DENND2A: variants seen among roughly 807,000 people sequenced by gnomAD.
DENND2A encodes DENN domain-containing protein 2A.
In DENND2A, 53 loss-of-function variants were observed where a neutral mutation model predicts 105.3. That is an observed-to-expected ratio of 0.50 (90% CI 0.40 to 0.63). DENND2A has a LOEUF of 0.63. DENND2A is among the 30% of genes least tolerant of loss of function. DENND2A has a pLI of 0.00. For synonymous variants in DENND2A, 522 were observed against 508.4 expected (o/e 1.03, Z -0.36); for missense variants, 1,138 against 1,279.6 (o/e 0.89, Z 1.69).
rs35145435 is a variant in DENND2A at position 140,624,765 on chromosome 7, C to T, written c.-248+15739G>A. On this transcript the variant is annotated intron_variant, in intron 1 of 19. Coordinates refer to ENST00000496613, the MANE Select transcript of DENND2A (RefSeq NM_015689.5). ...GAAACCCAGAGAGATTTGTGAAGTTCGTGTTTCTGGTGATTGTTTTTTTTT... is the reference window on the plus strand; with the variant it reads ...GAAACCCAGAGAGATTTGTGAAGTTTGTGTTTCTGGTGATTGTTTTTTTTT... Among the ~76,000 whole-genome samples the T allele has an allele frequency of 2.7e-3, 400 of 149,680 alleles. 2 individuals are homozygous for T. The highest frequency in any genetic ancestry group is 9.3e-3 in the African/African-American group (376 of 40,450).
At chr7:140,554,461 ACC>A (rs34391556) in intron 12 of DENND2A, among the ~76,000 whole-genome samples, 21 of 151,124 alleles carry the variant, frequency 1.4e-4, no homozygotes, top group Non-Finnish European at 2.2e-4. Flanking sequence ...ATATGGTGAA[ACC>A]CCATCTCTAC....
intron 5 of DENND2A, among the ~76,000 whole-genome samples, chr7:140,584,198 T>C (rs1020353639): frequency 2.0e-5 from 3 of 151,962 alleles, no homozygotes; most frequent in Admixed American, 6.6e-5. Context: ...GCCGAGACTG[T>C]GCCACTGCAC....
Position 140,559,688 on chromosome 7 carries a change from G to A in DENND2A, c.1889+20C>T. On this transcript the variant is annotated intron_variant, in intron 10 of 19. Coordinates refer to ENST00000496613, the MANE Select transcript of DENND2A (RefSeq NM_015689.5). This position sits in a 1 kb window ranked among gnomAD's most constrained non-coding sequence, Gnocchi z 4.1. Reference sequence around the variant, plus strand: ...TCGCCTTAGTCTTTGGGGCTGCGAAGGGGAGAAGCCAGCTCGTACCTGGTG... The same window carrying A: ...TCGCCTTAGTCTTTGGGGCTGCGAAAGGGAGAAGCCAGCTCGTACCTGGTG... The A allele has an allele frequency of 6.3e-7, 1 of 1,588,506 alleles. No individual in the cohort carries two copies. The highest frequency in any genetic ancestry group is 8.6e-7 in the Non-Finnish European group (1 of 1,157,184).
At chr7:140,638,733 A>G (rs1261304909) in intron 1 of DENND2A, among the ~76,000 whole-genome samples, 1 of 152,140 alleles carries the variant, frequency 6.6e-6, no homozygotes, top group Non-Finnish European at 1.5e-5. Context: ...CTGTTCTTTC[A>G]GCCTGAAACA....
Position 140,548,241 on chromosome 7 carries a change from T to C in DENND2A, c.2038-1302A>G, listed in dbSNP as rs1246495312. 2.0e-5 allele frequency among the ~76,000 whole-genome samples: 3 copies of C among 150,062 alleles called. No individual in the cohort carries two copies. The East Asian group carries it at 5.8e-4, about 29-fold the overall frequency. Reference sequence around the variant, plus strand: ...TGCTCAGCAAATTGTGTACTTTAAATGAATGAATTGCATGGTATGTGAATT... The same window carrying C: ...TGCTCAGCAAATTGTGTACTTTAAACGAATGAATTGCATGGTATGTGAATT... On this transcript the variant is annotated intron_variant, in intron 12 of 19. Transcript: ENST00000496613.
Position 140,544,688 on chromosome 7 carries a change from G to A in DENND2A, c.2257C>T (p.Arg753Cys), listed in dbSNP as rs1369531403. The A allele has an allele frequency of 5.0e-6, 8 of 1,613,686 alleles. No individual in the cohort carries two copies. Among genetic ancestry groups the A allele is most frequent in the African/African-American group, 1.3e-5 (1 of 74,900 alleles). The stretch of plus-strand genomic sequence containing the variant: ...GAGGCAAACACACAGACCAGGTGGC[G>A]GACGCTGAGGGAGGAGAAGAGAGAC... ...FESLFSSLSV[R>C]HLVCVFASLL... Residue 753 changes from arginine to cysteine, a missense_variant, in exon 14 of 20, where the codon CGC becomes TGC. Physicochemically the swap from Arg to Cys is radical, Grantham distance 180 (BLOSUM62 -3). This residue lies in a region of DENND2A where 627 missense variants were observed against 779.8 expected (regional missense o/e 0.80). Transcript: ENST00000496613.
intron 15 of DENND2A, 23 bp from the exon 16 acceptor site, chr7:140,525,815 C>G: frequency 6.3e-7 from 1 of 1,585,872 alleles, no homozygotes; most frequent in Non-Finnish European, 8.6e-7. Context: ...ACGAAAGGGA[C>G]TGTTACTGTC....
At chr7:140,629,252 G>A (rs1800647456) in intron 1 of DENND2A, among the ~76,000 whole-genome samples, 2 of 152,144 alleles carry the variant, frequency 1.3e-5, no homozygotes, top group South Asian at 2.1e-4. Context: ...ATTCGAACAC[G>A]GTGGCAAATG....
intron 13 of DENND2A, 35 bp downstream of exon 13, chr7:140,546,764 C>T: frequency 6.2e-7 from 1 of 1,610,314 alleles, no homozygotes; most frequent in Middle Eastern, 1.7e-4. Flanking sequence ...GGGCCACTGC[C>T]TCCCCAGGGA....
At chr7:140,636,922 G>A (rs1467355426) in intron 1 of DENND2A, among the ~76,000 whole-genome samples, 1 of 151,990 alleles carries the variant, frequency 6.6e-6, no homozygotes, top group Non-Finnish European at 1.5e-5. Context: ...ATGTAGTGAT[G>A]CAATCTTGGC....
In DENND2A at chr7:140,567,222, C is replaced by T. The variant is rs761663991; in HGVS notation, c.1643G>A (p.Arg548Gln). The change falls in exon 9 of 20, where the codon CGG becomes CAG. Residue 548 changes from arginine to glutamine, a missense_variant. Arg to Gln is a conservative substitution (Grantham distance 43, BLOSUM62 1). Coordinates refer to ENST00000496613, the MANE Select transcript of DENND2A (RefSeq NM_015689.5). ...NVKSRLKQAP[R>Q]YPSLARELIE... ...GAGTTCCCGGGCAAGTGATGGGTAC[C>T]GAGGCGCCTGCTTCAGCCGGGACTT... 21 of 1,612,202 alleles carry T rather than the reference C, an allele frequency of 1.3e-5. No individual in the cohort carries two copies. Among genetic ancestry groups the T allele is most frequent in the Admixed American group, 3.3e-5 (2 of 59,802 alleles).
intron 5 of DENND2A, among the ~76,000 whole-genome samples, chr7:140,574,847 G>A (rs1156890761): frequency 5.3e-5 from 8 of 151,876 alleles, no homozygotes; most frequent in East Asian, 1.9e-4. Context: ...GTGAAACCCC[G>A]TCTCTACTAA....
intron 12 of DENND2A, among the ~76,000 whole-genome samples, chr7:140,552,244 A>T (rs967700070): frequency 3.9e-5 from 6 of 152,032 alleles, no homozygotes; most frequent in African/African-American, 1.4e-4. Flanking sequence ...GGTGGAGGGG[A>T]GGGGAGACCT....
chr7:140,605,359 T>G (rs1042391286), intron 2 of DENND2A, among the ~76,000 whole-genome samples: 1 of 152,180 alleles, frequency 6.6e-6, no homozygotes, highest in African/African-American at 2.4e-5. Flanking sequence ...AAACTGACTG[T>G]GTACAGGTAC....
intron 1 of DENND2A, among the ~76,000 whole-genome samples, chr7:140,628,310 T>C (rs769505999): frequency 5.9e-5 from 9 of 152,146 alleles, no homozygotes; most frequent in Non-Finnish European, 1.2e-4. Flanking sequence ...CAGTGACCTG[T>C]TAGTCCTCAG....
rs1489887255 is a variant in DENND2A at position 140,640,212 on chromosome 7, C to T, written c.-248+292G>A. 6.6e-6 allele frequency: 1 copy of T among 152,548 alleles called. No homozygotes were observed. The highest frequency in any genetic ancestry group is 1.5e-5 in the Non-Finnish European group (1 of 68,340). 9.4% of individuals were successfully genotyped at this position (152,548 alleles called of 1,614,324 possible). A position where few individuals can be genotyped will look rare whatever the true frequency, so the allele number is the denominator to read the frequency against. ...ACACTCACACTCGCGCCCCGAGGGA[C>T]CCAGCACGGCGCAGGGCGGGGGTCT... On this transcript the variant is annotated intron_variant, in intron 1 of 19. Transcript: ENST00000496613. The surrounding 1 kb of genome is among the most constrained non-coding windows in gnomAD (Gnocchi z 4.9).
intron 18 of DENND2A, among the ~76,000 whole-genome samples, chr7:140,521,025 C>A (rs1411980832): frequency 6.6e-6 from 1 of 151,592 alleles, no homozygotes; most frequent in Non-Finnish European, 1.5e-5. Flanking sequence ...CAGGCGCACA[C>A]CACCACGCCT....
intron 1 of DENND2A, among the ~76,000 whole-genome samples, chr7:140,637,956 GAGA>G (rs1253586453): frequency 3.0e-4 from 45 of 152,256 alleles, no homozygotes; most frequent in Admixed American, 2.3e-3. Flanking sequence ...CCCATACTCT[GAGA>G]TGACACCCAG....
chr7:140,554,052 C>T (rs1797258644), intron 12 of DENND2A, among the ~76,000 whole-genome samples: 1 of 151,868 alleles, frequency 6.6e-6, no homozygotes, highest in African/African-American at 2.4e-5. Context: ...ATGGTGAAAC[C>T]CCGTCTCTAC....
Sources: gnomAD v4.1 joint callset for allele counts (sites outside exome capture counted in the v4.1 genomes callset) on GRCh38, gnomAD v4.1.1 for gene constraint, gnomAD v4.1.1 regional missense constraint, Gnocchi (gnomAD v3.1) non-coding constraint, MANE v1.5 for transcripts, NCBI Gene and HGNC (gene_info 2026-07-23, HGNC 2026-07-21) for gene names.